C3orf85: variants seen among roughly 807,000 people sequenced by gnomAD.
The protein encoded by C3orf85 is chromosome 3 open reading frame 85.
A neutral mutation model predicts 1.7 loss-of-function variants in C3orf85; 1 was observed. The observed-to-expected ratio is 0.60, with a 90% confidence interval of 0.21 to 2.86. The LOEUF (loss-of-function observed/expected upper bound fraction) is 2.86, where lower values mean the gene tolerates loss of function less well. Among genes scored for constraint, C3orf85 ranks in the 30% most tolerant of loss-of-function variants. The pLI is 0.22. For missense variants in C3orf85, 29 were observed against 21.3 expected (o/e 1.36, Z -0.72); for synonymous variants, 17 against 8.0 (o/e 2.13, Z -1.90).
chr3:109,136,756 C>T lies in C3orf85; in HGVS notation c.-5+15C>T, dbSNP rs1706681662. ...AGGGCTTCCAGGTATGCAACAAATG[C>T]TTTATACTTCTGAAAAGTACCTGAT... On this transcript the variant is annotated intron_variant, in intron 1 of 3. Coordinates refer to ENST00000622536, the MANE Select transcript of C3orf85 (RefSeq NM_001351622.2). 1.0e-5 allele frequency: 4 copies of T among 399,770 alleles called. No individual in the cohort carries two copies. The South Asian group carries it at 5.2e-4, about 52-fold the overall frequency. The allele number at this position is 399,770 out of a possible 1,614,324, so 24.8% of individuals were successfully genotyped here. A position where few individuals can be genotyped will look rare whatever the true frequency, so the allele number is the denominator to read the frequency against.
rs1369926652 is a variant in C3orf85, at chr3:109,150,245, C to A, written c.*351C>A. On this transcript the variant is annotated 3_prime_UTR_variant, in exon 4 of 4. Coordinates refer to ENST00000622536, the MANE Select transcript of C3orf85 (RefSeq NM_001351622.2). ...TGTTCATAGCTTTTACTCTCTATTG[C>A]CTCTTCTTTGAGAGAGTTTTTTAAT... 2 of 156,778 alleles carry A rather than the reference C, an allele frequency of 1.3e-5. No individual in the cohort carries two copies. The highest frequency in any genetic ancestry group is 2.8e-5 in the Non-Finnish European group (2 of 71,256). The allele number at this position is 156,778 out of a possible 1,614,324, so 9.7% of individuals were successfully genotyped here.
intron 2 of C3orf85, among the ~76,000 whole-genome samples, chr3:109,141,991 T>C (rs919300073): frequency 6.6e-6 from 1 of 152,178 alleles, no homozygotes; most frequent in Admixed American, 6.5e-5. Context: ...ATCGTGCCAC[T>C]GCACTCTAGT....
Position 109,150,830 on chromosome 3 carries a change from T to C in C3orf85, c.*936T>C, listed in dbSNP as rs1706860979. 6.6e-6 allele frequency among the ~76,000 whole-genome samples: 1 copy of C among 152,204 alleles called. No individual in the cohort carries two copies. The highest frequency in any genetic ancestry group is 6.5e-5 in the Admixed American group (1 of 15,276). ...TAGTTGTTCTCTCGAACAATTTATT[T>C]TTACCTTTTAAGGTAAATGGAAACA... On this transcript the variant is annotated 3_prime_UTR_variant, in exon 4 of 4. Coordinates refer to ENST00000622536, the MANE Select transcript of C3orf85 (RefSeq NM_001351622.2).
chr3:109,148,635 C>T (rs1322087637), intron 3 of C3orf85: 1 of 435,658 alleles, frequency 2.3e-6, no homozygotes, highest in East Asian at 4.3e-5. Flanking sequence ...TTTGTCTTTC[C>T]TTCTCTCCCT....
At chr3:109,138,934 A>G (rs1303597790) in intron 2 of C3orf85, among the ~76,000 whole-genome samples, 1 of 152,230 alleles carries the variant, frequency 6.6e-6, no homozygotes, top group African/African-American at 2.4e-5. Context: ...AAAAATTTTA[A>G]TTGCCTTCTT....
intron 2 of C3orf85, among the ~76,000 whole-genome samples, chr3:109,146,507 T>C (rs1706800779): frequency 1.3e-5 from 2 of 152,180 alleles, no homozygotes; most frequent in Non-Finnish European, 2.9e-5. Context: ...ATTATGACGA[T>C]GCGGTAAAGA....
chr3:109,145,784 C>A (rs1309732140), intron 2 of C3orf85, among the ~76,000 whole-genome samples: 1 of 152,160 alleles, frequency 6.6e-6, no homozygotes, highest in Admixed American at 6.5e-5. Context: ...TGAGCTCCAA[C>A]TTACCTTTCC....
intron 2 of C3orf85, among the ~76,000 whole-genome samples, chr3:109,141,921 C>T (rs1706746890): frequency 6.6e-6 from 1 of 152,078 alleles, no homozygotes; most frequent in African/African-American, 2.4e-5. Flanking sequence ...CCCAGCTACT[C>T]GGGAGGCTGA....
chr3:109,144,761 T>G (rs1017626219), intron 2 of C3orf85, among the ~76,000 whole-genome samples: 1 of 152,214 alleles, frequency 6.6e-6, no homozygotes, highest in African/African-American at 2.4e-5. Context: ...AAGCAATTAC[T>G]ACAGATTCAC....
intron 2 of C3orf85, among the ~76,000 whole-genome samples, chr3:109,141,201 G>T (rs1287227911): frequency 1.3e-5 from 2 of 151,998 alleles, no homozygotes; most frequent in Admixed American, 6.6e-5. Context: ...TGCCCATTCT[G>T]GTCTCAAACT....
intron 2 of C3orf85, among the ~76,000 whole-genome samples, chr3:109,143,596 C>A (rs1325878115): frequency 6.6e-6 from 1 of 152,184 alleles, no homozygotes; most frequent in African/African-American, 2.4e-5. Flanking sequence ...ACTGTGCCCA[C>A]TAAGCATATT....
At chr3:109,137,865 G>T (rs1205943206) in intron 2 of C3orf85, among the ~76,000 whole-genome samples, 3 of 151,828 alleles carry the variant, frequency 2.0e-5, no homozygotes, top group Non-Finnish European at 4.4e-5. Context: ...AGAAAGTGAG[G>T]CTGGCTCAGT....
intron 2 of C3orf85, among the ~76,000 whole-genome samples, chr3:109,146,993 A>AT (rs1269924287): frequency 1.3e-5 from 2 of 152,102 alleles, no homozygotes; most frequent in African/African-American, 2.4e-5. Flanking sequence ...AACTAATATT[A>AT]TTTTTTTATA....
At position 109,148,301 on chromosome 3, in the gene C3orf85, T is replaced by C; in HGVS notation, c.98T>C (p.Leu33Pro). ...TTGGAAGACCCTGCAAACCAGTTCCTACGTCTCAAAAGACATGTAAATTTG... is the reference window on the plus strand; with the variant it reads ...TTGGAAGACCCTGCAAACCAGTTCCCACGTCTCAAAAGACATGTAAATTTG... Reference protein sequence around the residue: ...FLLEDPANQFLRLKRHVNLQD... With the variant: ...FLLEDPANQFPRLKRHVNLQD... The change falls in exon 3 of 4, where the codon CTA becomes CCA. Residue 33 changes from leucine (L) to proline (P), a missense_variant. Physicochemically the swap from Leu to Pro is moderately conservative, Grantham distance 98. Coordinates refer to ENST00000622536, the MANE Select transcript of C3orf85 (RefSeq NM_001351622.2). 1 of 702,746 alleles carries C rather than the reference T, an allele frequency of 1.4e-6. No homozygotes were observed. Among genetic ancestry groups the C allele is most frequent in the Non-Finnish European group, 2.6e-6 (1 of 384,800 alleles). The allele number at this position is 702,746 out of a possible 1,614,324, so 43.5% of individuals were successfully genotyped here. A position where few individuals can be genotyped will look rare whatever the true frequency, so the allele number is the denominator to read the frequency against.
chr3:109,140,515 A>G (rs1042646927), intron 2 of C3orf85, among the ~76,000 whole-genome samples: 1 of 152,170 alleles, frequency 6.6e-6, no homozygotes, highest in Admixed American at 6.5e-5. Context: ...TGGTTGTCTC[A>G]ATGTCATTGC....
chr3:109,140,382 T>A (rs1003859131), intron 2 of C3orf85, among the ~76,000 whole-genome samples: 3 of 152,096 alleles, frequency 2.0e-5, no homozygotes, highest in Non-Finnish European at 2.9e-5. Context: ...GAATCCCAGG[T>A]TCCTACACAG....
intron 2 of C3orf85, among the ~76,000 whole-genome samples, chr3:109,139,491 T>A (rs1317361676): frequency 6.6e-6 from 1 of 152,086 alleles, no homozygotes; most frequent in Admixed American, 6.5e-5. Context: ...AAAGGAAATA[T>A]GGAAATATGG....
At position 109,150,630 on chromosome 3, in the gene C3orf85, A is replaced by G. The variant is rs1706858949; in HGVS notation, c.*736A>G. ...CAATTAAAACTGAAAAATTGGCCATAGGGAAAAGTGGACTGCATTTATCCT... is the reference window on the plus strand; with the variant it reads ...CAATTAAAACTGAAAAATTGGCCATGGGGAAAAGTGGACTGCATTTATCCT... On this transcript the variant is annotated 3_prime_UTR_variant, in exon 4 of 4. Coordinates refer to ENST00000622536, the MANE Select transcript of C3orf85 (RefSeq NM_001351622.2). The G allele has an allele frequency of 6.6e-6, 1 of 152,230 alleles. No homozygotes were observed. Among genetic ancestry groups the G allele is most frequent in the Admixed American group, 6.5e-5 (1 of 15,284 alleles). 9.4% of individuals were successfully genotyped at this position (152,230 alleles called of 1,614,324 possible). A position where few individuals can be genotyped will look rare whatever the true frequency, so the allele number is the denominator to read the frequency against.
intron 2 of C3orf85, among the ~76,000 whole-genome samples, chr3:109,147,775 T>C (rs2107836792): frequency 6.6e-6 from 1 of 152,234 alleles, no homozygotes; most frequent in Admixed American, 6.5e-5. Flanking sequence ...CAGTTCTATT[T>C]TGGAGGGCTA....
Sources: gnomAD v4.1 joint callset for allele counts (sites outside exome capture counted in the v4.1 genomes callset) on GRCh38, gnomAD v4.1.1 for gene constraint, MANE v1.5 for transcripts, NCBI Gene and HGNC (gene_info 2026-07-23, HGNC 2026-07-21) for gene names.